DDX10: variants seen among roughly 807,000 people sequenced by gnomAD.
DDX10 encodes probable ATP-dependent RNA helicase DDX10.
Under a neutral mutation model 104.3 loss-of-function variants are expected in DDX10, and 74 were observed. That is an observed-to-expected ratio of 0.71 (90% CI 0.59 to 0.86). The LOEUF (loss-of-function observed/expected upper bound fraction) is 0.86, where lower values mean the gene tolerates loss of function less well. DDX10 is among the 40% of genes least tolerant of loss of function. The pLI is 0.00. For synonymous variants in DDX10, 351 were observed against 353.4 expected (o/e 0.99, Z 0.08); for missense variants, 952 against 1,040.0 (o/e 0.92, Z 1.16).
chr11:108,721,498 A>G (rs2094298314), intron 12 of DDX10, among the ~76,000 whole-genome samples: 1 of 152,192 alleles, frequency 6.6e-6, no homozygotes, highest in Admixed American at 6.5e-5. Context: ...ACTGTAGGCC[A>G]TATTTAGGGG....
chr11:108,751,505 C>T (rs1383703705), intron 13 of DDX10, among the ~76,000 whole-genome samples: 1 of 152,032 alleles, frequency 6.6e-6, no homozygotes, highest in African/African-American at 2.4e-5. Context: ...TGGGAGGGGT[C>T]CATAAATGTG....
intron 13 of DDX10, among the ~76,000 whole-genome samples, chr11:108,743,224 C>T (rs1420816479): frequency 3.3e-5 from 5 of 152,172 alleles, no homozygotes; most frequent in African/African-American, 1.2e-4. Context: ...GTTGGTTCAA[C>T]ATATGCAAAT....
chr11:108,794,488 T>G (rs1235213000), intron 13 of DDX10, among the ~76,000 whole-genome samples: 5 of 152,158 alleles, frequency 3.3e-5, no homozygotes, highest in African/African-American at 1.2e-4. Context: ...CAGTGTTACA[T>G]AGGATGTTAC....
intron 16 of DDX10, among the ~76,000 whole-genome samples, chr11:108,903,865 A>G (rs1863552760): frequency 6.6e-6 from 1 of 152,116 alleles, no homozygotes; most frequent in African/African-American, 2.4e-5. Context: ...GACTGTTATA[A>G]ATAATGCTGC....
At position 108,768,221 on chromosome 11, in the gene DDX10, G is replaced by C. The variant is rs79259053; in HGVS notation, c.1965+44759G>C. Among the ~76,000 whole-genome samples the C allele has an allele frequency of 1.1e-3, 170 of 152,300 alleles. 2 individuals are homozygous for C. The highest frequency in any genetic ancestry group is 4.0e-3 in the African/African-American group (165 of 41,572). On this transcript the variant is annotated intron_variant, in intron 13 of 17. Transcript: ENST00000322536. ...GATTTTTGACTGCCTGCCTGGGGTG[G>C]TGGGAAGTGAGGGGAGAGTCAGCGC...
chr11:108,799,609 A>G (rs982413729), intron 13 of DDX10, among the ~76,000 whole-genome samples: 2 of 152,202 alleles, frequency 1.3e-5, no homozygotes, highest in Non-Finnish European at 2.9e-5. Context: ...GCTTTAGGGC[A>G]TTAAGTGTTC....
At chr11:108,865,468 G>A (rs930355137) in intron 16 of DDX10, among the ~76,000 whole-genome samples, 1 of 152,132 alleles carries the variant, frequency 6.6e-6, no homozygotes, top group Non-Finnish European at 1.5e-5. Context: ...GTTTGCCAGT[G>A]GTTGAAATAC....
chr11:108,688,449 T>C (rs375781919), intron 6 of DDX10, among the ~76,000 whole-genome samples: 8 of 152,380 alleles, frequency 5.3e-5, no homozygotes, highest in African/African-American at 1.9e-4. Flanking sequence ...ATTGCAGATA[T>C]CTGTATTCTC....
intron 15 of DDX10, among the ~76,000 whole-genome samples, chr11:108,843,300 A>T (rs1384064610): frequency 6.6e-6 from 1 of 151,684 alleles, no homozygotes; most frequent in Non-Finnish European, 1.5e-5. Context: ...AAACTAACAT[A>T]TGTACGTGGG....
chr11:108,743,662 G>A (rs1182764948), intron 13 of DDX10, among the ~76,000 whole-genome samples: 1 of 152,202 alleles, frequency 6.6e-6, no homozygotes, highest in East Asian at 1.9e-4. Context: ...GGACCTAAGT[G>A]TTTATATGGT....
At chr11:108,922,696 A>G (rs938391989) in intron 17 of DDX10, among the ~76,000 whole-genome samples, 2 of 152,266 alleles carry the variant, frequency 1.3e-5, no homozygotes, top group Non-Finnish European at 2.9e-5. Flanking sequence ...TCCAGCACTG[A>G]GATTTCAAAA....
intron 13 of DDX10, among the ~76,000 whole-genome samples, chr11:108,808,220 A>G (rs867107229): frequency 2.6e-5 from 4 of 152,094 alleles, no homozygotes; most frequent in Admixed American, 6.5e-5. Flanking sequence ...TTTTTTTACA[A>G]ATTTTTTTTC....
At chr11:108,805,092 A>T (rs767802724) in intron 13 of DDX10, among the ~76,000 whole-genome samples, 4 of 152,218 alleles carry the variant, frequency 2.6e-5, no homozygotes, top group Non-Finnish European at 4.4e-5. Flanking sequence ...CACAGGCAAG[A>T]TGGAAATAAA....
At chr11:108,712,458 T>G (rs1255486966) in intron 10 of DDX10, among the ~76,000 whole-genome samples, 2 of 152,120 alleles carry the variant, frequency 1.3e-5, no homozygotes, top group African/African-American at 2.4e-5. Context: ...TTTTTTTTCT[T>G]TTTCACTTTT....
intron 13 of DDX10, among the ~76,000 whole-genome samples, chr11:108,829,349 A>G (rs1319480432): frequency 1.2e-4 from 18 of 152,220 alleles, no homozygotes; most frequent in Admixed American, 1.2e-3. Flanking sequence ...TCTGATAACT[A>G]GTGATGCTGA....
At chr11:108,914,807 A>C (rs533803247) in intron 16 of DDX10, among the ~76,000 whole-genome samples, 1 of 146,482 alleles carries the variant, frequency 6.8e-6, no homozygotes, top group Non-Finnish European at 1.5e-5. Context: ...GAATGGAAAA[A>C]TGTTCTGAGC....
intron 13 of DDX10, among the ~76,000 whole-genome samples, chr11:108,814,107 A>G (rs992622031): frequency 6.6e-6 from 1 of 152,072 alleles, no homozygotes; most frequent in Non-Finnish European, 1.5e-5. Flanking sequence ...CCTATCCTTT[A>G]CCTTCCACCC....
intron 13 of DDX10, among the ~76,000 whole-genome samples, chr11:108,824,050 G>A (rs1591827890): frequency 2.0e-5 from 3 of 152,098 alleles, no homozygotes; most frequent in African/African-American, 7.2e-5. Context: ...TCTGTCCCAG[G>A]ATTTTTTTTT....
At chr11:108,913,715 AAGAT>A (rs1863710022) in intron 16 of DDX10, among the ~76,000 whole-genome samples, 1 of 152,088 alleles carries the variant, frequency 6.6e-6, no homozygotes, top group Admixed American at 6.5e-5. Flanking sequence ...CATGAAATCA[AAGAT>A]AGAGACAGAG....
Sources: gnomAD v4.1 joint callset for allele counts (sites outside exome capture counted in the v4.1 genomes callset) on GRCh38, gnomAD v4.1.1 for gene constraint, MANE v1.5 for transcripts, NCBI Gene and HGNC (gene_info 2026-07-23, HGNC 2026-07-21) for gene names.